CYP4X1: variants seen among roughly 807,000 people sequenced by gnomAD.
CYP4X1 encodes cytochrome P450 family 4 subfamily X member 1.
In CYP4X1, 44 loss-of-function variants were observed where a neutral mutation model predicts 57.9. The ratio of observed to expected loss-of-function variants is 0.76; its 90% CI spans 0.60 to 0.98. CYP4X1 has a LOEUF of 0.98. Among genes scored for constraint, CYP4X1 ranks in the 50% least tolerant of loss-of-function variants. The probability of loss-of-function intolerance (pLI) is 0.00; values close to 1 mark genes in which losing one functional copy is unlikely to be tolerated. For synonymous variants in CYP4X1, 227 were observed against 228.6 expected (o/e 0.99, Z 0.06); for missense variants, 532 against 623.9 (o/e 0.85, Z 1.57).
chr1:47,031,276 C>G (rs1217125130), intron 2 of CYP4X1, among the ~76,000 whole-genome samples, 160 bp from the exon 3 acceptor site: 1 of 152,248 alleles, frequency 6.6e-6, no homozygotes, highest in African/African-American at 2.4e-5. Context: ...TAACACAAGT[C>G]TTTCCCCAGG....
the CYP4X1 span, among the ~76,000 whole-genome samples, chr1:47,013,536 T>C: frequency 6.6e-6 from 1 of 152,160 alleles, no homozygotes; most frequent in African/African-American, 2.4e-5. Context: ...CACCATAAGT[T>C]ACATTACTTA....
downstream of CYP4X1, among the ~76,000 whole-genome samples, chr1:47,055,014 G>C (rs867543900): frequency 1.1e-4 from 17 of 152,288 alleles, no homozygotes; most frequent in South Asian, 1.2e-3. Flanking sequence ...CAAAGGGAAT[G>C]CTTCCAGTTT....
At chr1:47,019,372 C>T (rs1442620003), upstream of CYP4X1, among the ~76,000 whole-genome samples, 1 of 152,106 alleles carries the variant, frequency 6.6e-6, no homozygotes, top group Non-Finnish European at 1.5e-5. Context: ...TTGTTTAATC[C>T]TAAACGGGTC....
At chr1:47,053,674 A>C (rs1204295716), downstream of CYP4X1, among the ~76,000 whole-genome samples, 2 of 152,154 alleles carry the variant, frequency 1.3e-5, no homozygotes, top group Non-Finnish European at 2.9e-5. Context: ...GCCAGTGATG[A>C]TGAGCATTTT....
the CYP4X1 span, among the ~76,000 whole-genome samples, chr1:47,004,047 A>T: frequency 6.6e-6 from 1 of 152,218 alleles, no homozygotes; most frequent in African/African-American, 2.4e-5. Flanking sequence ...ATGCTAGGAA[A>T]TATCTTCTCC....
the CYP4X1 span, among the ~76,000 whole-genome samples, chr1:47,007,117 A>G: frequency 1.3e-5 from 2 of 152,224 alleles, no homozygotes; most frequent in African/African-American, 4.8e-5. Context: ...CTGAGAACAG[A>G]CAGACTGCCT....
chr1:47,029,653 C>T (rs1163759208), intron 1 of CYP4X1, among the ~76,000 whole-genome samples: 1 of 152,090 alleles, frequency 6.6e-6, no homozygotes, highest in African/African-American at 2.4e-5. Context: ...CTTCCAGATC[C>T]CACTCCAATC....
chr1:47,042,620 TCCC>T (rs929910022), intron 8 of CYP4X1, among the ~76,000 whole-genome samples: 33 of 152,104 alleles, frequency 2.2e-4, no homozygotes, highest in Middle Eastern at 3.4e-3. Context: ...TCCCACCATT[TCCC>T]CCAAGTCCCC....
chr1:47,047,507 A>G (rs532423390), intron 9 of CYP4X1, among the ~76,000 whole-genome samples: 4 of 152,136 alleles, frequency 2.6e-5, no homozygotes, highest in Non-Finnish European at 5.9e-5. Context: ...AACCACATGG[A>G]TATTTGCCAA....
chr1:47,012,114 G>A, the CYP4X1 span, among the ~76,000 whole-genome samples: 3 of 152,218 alleles, frequency 2.0e-5, no homozygotes, highest in Admixed American at 6.5e-5. Flanking sequence ...GCACATGTAT[G>A]CTTATTGTGG....
At chr1:46,993,667 A>G in the CYP4X1 span, among the ~76,000 whole-genome samples, 165 of 152,266 alleles carry the variant, frequency 1.1e-3, no homozygotes, top group African/African-American at 3.6e-3. Flanking sequence ...TTTGATTTGC[A>G]TTTCTCTGAT....
chr1:46,969,849 T>G, the CYP4X1 span, among the ~76,000 whole-genome samples: 1 of 152,234 alleles, frequency 6.6e-6, no homozygotes, highest in Non-Finnish European at 1.5e-5. Flanking sequence ...GGTACAGAGA[T>G]TCTACTGGGT....
chr1:46,981,109 A>G, the CYP4X1 span, among the ~76,000 whole-genome samples: 9 of 152,346 alleles, frequency 5.9e-5, no homozygotes, highest in Admixed American at 2.0e-4. Context: ...AAGCAATGGC[A>G]ACAGAAGCCA....
chr1:47,020,047 T>C (rs1643979887), upstream of CYP4X1, among the ~76,000 whole-genome samples: 1 of 152,226 alleles, frequency 6.6e-6, no homozygotes, highest in African/African-American at 2.4e-5. Flanking sequence ...TAACTGGGCC[T>C]ACCAAGCTCT....
intron 8 of CYP4X1, among the ~76,000 whole-genome samples, chr1:47,041,834 G>A (rs549811248): frequency 6.6e-6 from 1 of 151,936 alleles, no homozygotes; most frequent in Non-Finnish European, 1.5e-5. Context: ...TTCCAGAGTT[G>A]TATCCAAAAA....
chr1:46,980,146 A>G, the CYP4X1 span, among the ~76,000 whole-genome samples: 1,684 of 152,218 alleles, frequency 0.011, 27 homozygotes, highest in African/African-American at 0.038. Flanking sequence ...GCAAGAGAAA[A>G]AAAGAAAGTG....
chr1:47,033,431 G>A, intron 4 of CYP4X1, 63 bp downstream of exon 4: 2 of 1,570,086 alleles, frequency 1.3e-6, no homozygotes, highest in South Asian at 1.2e-5. Flanking sequence ...ACAGTATTAG[G>A]TATGTGTTTT....
the CYP4X1 span, among the ~76,000 whole-genome samples, chr1:46,993,605 A>G: frequency 6.6e-6 from 1 of 152,130 alleles, no homozygotes; most frequent in Non-Finnish European, 1.5e-5. Context: ...TTGTTTCCTG[A>G]CTTTTTAATG....
intron 1 of CYP4X1, 57 bp from the exon 2 acceptor site, chr1:47,029,933 A>G (rs17102977): frequency 0.089 from 141,248 of 1,587,746 alleles, 6,828 homozygotes; most frequent in East Asian, 0.22. Context: ...GCTTGTGTCT[A>G]TAAGAGGGGA....
Sources: allele counts gnomAD v4.1 joint callset (sites outside exome capture counted in the v4.1 genomes callset), GRCh38; gene constraint gnomAD v4.1.1; transcripts MANE v1.5; gene names NCBI Gene and HGNC (gene_info 2026-07-23, HGNC 2026-07-21).